The following AFAP1 variants were observed in gnomAD, a reference collection of about 807,000 sequenced individuals.
The protein encoded by AFAP1 is actin filament-associated protein 1.
In AFAP1, 75 loss-of-function variants were observed where a neutral mutation model predicts 93.9. That is an observed-to-expected ratio of 0.80 (90% CI 0.66 to 0.97). The LOEUF (loss-of-function observed/expected upper bound fraction) is 0.97. Ranked by LOEUF, AFAP1 falls within the 50% of genes least tolerant of loss-of-function variation. The pLI, the probability that AFAP1 is intolerant of heterozygous loss-of-function variation, is 0.00. For synonymous variants in AFAP1, 517 were observed against 430.7 expected, an observed-to-expected ratio of 1.20 and a Z score of -2.48; for missense variants, 1,201 against 1,050.8, an observed-to-expected ratio of 1.14 and a Z score of -1.98.
chr4:7,838,388 C>T, intron 6 of AFAP1, 136 bp downstream of exon 6: 1 of 985,810 alleles, frequency 1.0e-6, no homozygotes, highest in East Asian at 2.7e-5. Context: ...GAATATTTAG[C>T]TATTAAAGAC....
At chr4:7,827,590 A>AAAAAAAAG (rs1721544109) in intron 6 of AFAP1, among the ~76,000 whole-genome samples, 1 of 142,474 alleles carries the variant, frequency 7.0e-6, no homozygotes, top group Non-Finnish European at 1.5e-5. Flanking sequence ...AAAAAAAAAA[A>AAAAAAAAG]GGGAGAGGAG....
chr4:7,876,330 T>A, intron 1 of AFAP1, among the ~76,000 whole-genome samples: 1 of 152,258 alleles, frequency 6.6e-6, no homozygotes, highest in Non-Finnish European at 1.5e-5. Context: ...CAGCCACTGC[T>A]ATACTGCAAG....
chr4:7,797,930 G>A (rs1273540492), intron 10 of AFAP1, among the ~76,000 whole-genome samples: 2 of 152,242 alleles, frequency 1.3e-5, no homozygotes, highest in Non-Finnish European at 2.9e-5. Flanking sequence ...GCAAGAGACA[G>A]CAAGCATGCG....
chr4:7,884,702 CA>C (rs1718045112), intron 1 of AFAP1, among the ~76,000 whole-genome samples: 1 of 152,076 alleles, frequency 6.6e-6, no homozygotes, highest in Non-Finnish European at 1.5e-5. Context: ...CTTGAAAACC[CA>C]AACAGAAAAA....
chr4:7,817,431 G>GT (rs755096759), intron 7 of AFAP1, among the ~76,000 whole-genome samples: 48 of 152,170 alleles, frequency 3.2e-4, no homozygotes, highest in Admixed American at 8.5e-4. Context: ...TGAAACCCCC[G>GT]TCTCCACTAA....
chr4:7,771,513 T>C (rs1478146846), intron 16 of AFAP1, among the ~76,000 whole-genome samples: 1 of 152,194 alleles, frequency 6.6e-6, no homozygotes, highest in African/African-American at 2.4e-5. Flanking sequence ...ATGAGTGGAA[T>C]GAATGAATGA....
At chr4:7,920,256 C>T (rs1720369423) in intron 1 of AFAP1, among the ~76,000 whole-genome samples, 1 of 152,134 alleles carries the variant, frequency 6.6e-6, no homozygotes, top group South Asian at 2.1e-4. Flanking sequence ...ACATTCCCAC[C>T]AACAGTATTT....
chr4:7,846,136 C>T (rs373266397), intron 4 of AFAP1, among the ~76,000 whole-genome samples: 15 of 152,166 alleles, frequency 9.9e-5, no homozygotes, highest in Non-Finnish European at 2.1e-4. Flanking sequence ...AGGACGTGAG[C>T]GAGGCCACAA....
At chr4:7,893,088 GC>G (rs1718562339) in intron 1 of AFAP1, among the ~76,000 whole-genome samples, 1 of 148,946 alleles carries the variant, frequency 6.7e-6, no homozygotes, top group African/African-American at 2.4e-5. Context: ...CAGCCCCGGT[GC>G]CGGGGGGGCA....
intron 8 of AFAP1, among the ~76,000 whole-genome samples, chr4:7,814,355 A>G (rs1469517398): frequency 6.6e-6 from 1 of 152,250 alleles, no homozygotes; most frequent in Non-Finnish European, 1.5e-5. Flanking sequence ...AATAGAAAGA[A>G]CAAAACAAAA....
At chr4:7,797,922 A>T (rs560125822) in intron 10 of AFAP1, among the ~76,000 whole-genome samples, 107 of 152,326 alleles carry the variant, frequency 7.0e-4, no homozygotes, top group African/African-American at 2.4e-3. Context: ...AGGGCTGTGC[A>T]AGAGACAGCA....
chr4:7,914,546 G>T (rs544826174), intron 1 of AFAP1, among the ~76,000 whole-genome samples: 4 of 152,198 alleles, frequency 2.6e-5, no homozygotes, highest in Non-Finnish European at 5.9e-5. Flanking sequence ...ATCATGTGCT[G>T]CTGGACACCG....
chr4:7,855,872 C>G (rs1246122667), intron 3 of AFAP1, among the ~76,000 whole-genome samples: 4 of 152,202 alleles, frequency 2.6e-5, no homozygotes, highest in African/African-American at 9.6e-5. Context: ...CCCCTTCCCC[C>G]ACGCAGGACT....
chr4:7,841,193 G>A (rs1213787330), intron 5 of AFAP1, among the ~76,000 whole-genome samples: 2 of 152,188 alleles, frequency 1.3e-5, no homozygotes, highest in African/African-American at 4.8e-5. Flanking sequence ...GGAGGAGTGG[G>A]GTGGGCAAAG....
chr4:7,829,786 C>T (rs1721730931), intron 6 of AFAP1, among the ~76,000 whole-genome samples: 2 of 152,274 alleles, frequency 1.3e-5, no homozygotes, highest in African/African-American at 4.8e-5. Flanking sequence ...AATTGGTAAA[C>T]CTCCTAGGAG....
chr4:7,830,910 C>T (rs1337342012), intron 6 of AFAP1, among the ~76,000 whole-genome samples: 2 of 152,092 alleles, frequency 1.3e-5, no homozygotes, highest in South Asian at 2.1e-4. Context: ...TTTTTAAAAG[C>T]ATACCAAGAT....
chr4:7,764,718 T>G (rs183938752), intron 17 of AFAP1, among the ~76,000 whole-genome samples: 1 of 152,206 alleles, frequency 6.6e-6, no homozygotes, highest in Non-Finnish European at 1.5e-5. Context: ...GCAGGGACAG[T>G]GGGCACTGGG....
intron 6 of AFAP1, 53 bp from the exon 7 acceptor site, chr4:7,819,224 A>C: frequency 1.3e-6 from 2 of 1,498,538 alleles, no homozygotes; most frequent in Non-Finnish European, 1.8e-6. Flanking sequence ...AGATACTTAA[A>C]GGCTTGAACT....
At chr4:7,813,219 G>T (rs1720202160) in intron 8 of AFAP1, among the ~76,000 whole-genome samples, 1 of 152,208 alleles carries the variant, frequency 6.6e-6, no homozygotes, top group Non-Finnish European at 1.5e-5. Context: ...GATAAAAGGA[G>T]CTTAACTCAA....
Sources: allele counts gnomAD v4.1 joint callset (sites outside exome capture counted in the v4.1 genomes callset), GRCh38; gene constraint gnomAD v4.1.1; transcripts MANE v1.5; gene names NCBI Gene and HGNC (gene_info 2026-07-23, HGNC 2026-07-21).